Variants in HIF3A observed in about 807,000 individuals in gnomAD.
The protein encoded by HIF3A is hypoxia inducible factor 3 subunit alpha, also known as hypoxia-inducible factor 3-alpha.
A neutral mutation model predicts 67.2 loss-of-function variants in HIF3A; 41 were observed. The ratio of observed to expected loss-of-function variants is 0.61; its 90% CI spans 0.48 to 0.79. HIF3A has a LOEUF of 0.79. Ranked by LOEUF, HIF3A falls within the 30% of genes least tolerant of loss-of-function variation. The probability of loss-of-function intolerance (pLI) is 0.00; values close to 1 mark genes in which losing one functional copy is unlikely to be tolerated. For missense variants in HIF3A, 855 were observed against 898.0 expected (o/e 0.95, Z 0.61); for synonymous variants, 356 against 374.8 (o/e 0.95, Z 0.58).
chr19:46,303,571 G>T, intron 1 of HIF3A: 1 of 1,518,570 alleles, frequency 6.6e-7, no homozygotes, highest in South Asian at 1.2e-5. Flanking sequence ...CTGTCCCCCA[G>T]GCGTCCCTAG....
chr19:46,336,550 T>C (rs1455713959), intron 14 of HIF3A, among the ~76,000 whole-genome samples: 1 of 150,472 alleles, frequency 6.6e-6, no homozygotes, highest in Non-Finnish European at 1.5e-5. Flanking sequence ...TTTGTGTGCG[T>C]GTGTGTGTGT....
intron 1 of HIF3A, among the ~76,000 whole-genome samples, chr19:46,300,739 T>C (rs940531963): frequency 6.6e-6 from 1 of 151,982 alleles, no homozygotes; most frequent in African/African-American, 2.4e-5. Context: ...AGTTGATAAG[T>C]AGTAGAGTCA....
At position 46,297,514 on chromosome 19, in the gene HIF3A, C is replaced by T. The variant is rs897900521; in HGVS notation, c.26+412C>T. On this transcript the variant is annotated intron_variant, in intron 1 of 14. Coordinates refer to ENST00000377670, the MANE Select transcript of HIF3A (RefSeq NM_152795.4). This position sits in a 1 kb window ranked among gnomAD's most constrained non-coding sequence, Gnocchi z 4.5. ...CCCCAAAATTGAGGGTATTCTTTGC[C>T]ACCAGGTGCCTGGGATCCTAGGTGA... Among the ~76,000 whole-genome samples the T allele has an allele frequency of 6.6e-6, 1 of 152,084 alleles. No homozygotes were observed. Among genetic ancestry groups the T allele is most frequent in the African/African-American group, 2.4e-5 (1 of 41,412 alleles).
Position 46,331,177 on chromosome 19 carries a change from G to A in HIF3A, c.1734G>A (p.Glu578=). The A allele has an allele frequency of 6.2e-7, 1 of 1,613,674 alleles. No individual in the cohort carries two copies. Among genetic ancestry groups the A allele is most frequent in the Non-Finnish European group, 8.5e-7 (1 of 1,179,686 alleles). ...ARKRTLAQSS[E]DEDEGVELLG... ...CCAGGACCCTGGCCCAGAGCTCAGAGGACGAGGACGAGGGAGTGGAGCTGC... is the reference window on the plus strand; with the variant it reads ...CCAGGACCCTGGCCCAGAGCTCAGAAGACGAGGACGAGGGAGTGGAGCTGC... The change falls in exon 13 of 15, where the codon GAG becomes GAA. Residue 578 remains glutamate (E), a synonymous_variant. Transcript: ENST00000377670.
chr19:46,298,218 T>TCCCCC, intron 1 of HIF3A: 1 of 245,964 alleles, frequency 4.1e-6, no homozygotes, highest in Non-Finnish European at 8.0e-6. Flanking sequence ...GCCCCCATCC[T>TCCCCC]CTCCCCTGTC....
intron 10 of HIF3A, among the ~76,000 whole-genome samples, chr19:46,324,538 A>T (rs1312048718): frequency 6.6e-6 from 1 of 151,982 alleles, no homozygotes; most frequent in Admixed American, 6.6e-5. Context: ...AAGACCTTTA[A>T]CCCCAGAGGA....
chr19:46,325,953 G>A (rs561943490), intron 11 of HIF3A, among the ~76,000 whole-genome samples: 338 of 152,348 alleles, frequency 2.2e-3, no homozygotes, highest in African/African-American at 7.6e-3. Flanking sequence ...TGATGTATTA[G>A]TTATCTACTG....
intron 12 of HIF3A, among the ~76,000 whole-genome samples, chr19:46,329,709 A>T (rs551612142): frequency 4.6e-4 from 70 of 151,502 alleles, no homozygotes; most frequent in African/African-American, 1.6e-3. Flanking sequence ...TCCAAATCCC[A>T]CCTGTCAACC....
chr19:46,326,667 C>G (rs1970803930), intron 11 of HIF3A, among the ~76,000 whole-genome samples: 1 of 152,138 alleles, frequency 6.6e-6, no homozygotes, highest in Admixed American at 6.5e-5. Flanking sequence ...TACAGTTCCT[C>G]TCAACATTTT....
intron 12 of HIF3A, among the ~76,000 whole-genome samples, chr19:46,330,826 A>G (rs1277561521): frequency 1.4e-5 from 2 of 146,312 alleles, no homozygotes; most frequent in African/African-American, 5.1e-5. Context: ...TGGCAGACAG[A>G]TGGTGGATGG....
rs1440743544 is a variant in HIF3A, at chr19:46,315,286, C to T, written c.1025+2633C>T. Among the ~76,000 whole-genome samples the T allele has an allele frequency of 6.8e-5, 10 of 146,160 alleles. 1 individual carries two copies. On this transcript the variant is annotated intron_variant, in intron 8 of 14. Coordinates refer to ENST00000377670, the MANE Select transcript of HIF3A (RefSeq NM_152795.4). ...TTCACCAGATTGGCCAGGCTGGTCT[C>T]GAACTCCTGACCTCAGGTGATCCTC...
At position 46,325,520 on chromosome 19, in the gene HIF3A, T is replaced by G. The variant is rs952939757; in HGVS notation, c.1336-15T>G. The G allele has an allele frequency of 1.3e-6, 2 of 1,586,644 alleles. No homozygotes were observed. The highest frequency in any genetic ancestry group is 2.7e-5 in the African/African-American group (2 of 74,274). ...GCTCAAGATTTCCTGAAGTTTCTAC[T>G]CCATCTCTCCACAGGCTGATCTCCC... On this transcript the variant is annotated splice_polypyrimidine_tract_variant and intron_variant, in intron 10 of 14. Transcript: ENST00000377670.
chr19:46,334,809 GC>G, intron 13 of HIF3A, 95 bp from the exon 14 acceptor site: 2 of 972,530 alleles, frequency 2.1e-6, no homozygotes, highest in Non-Finnish European at 3.2e-6. Flanking sequence ...TCTGGCCTCA[GC>G]CCCCGAAAGT....
chr19:46,333,568 C>A (rs138117713), intron 13 of HIF3A, among the ~76,000 whole-genome samples: 1,983 of 152,024 alleles, frequency 0.013, 33 homozygotes, highest in South Asian at 0.033. Flanking sequence ...TCTCTGTGTA[C>A]AGGTCCTCGG....
intron 11 of HIF3A, 54 bp downstream of exon 11, chr19:46,325,693 C>A: frequency 8.1e-7 from 1 of 1,231,944 alleles, no homozygotes; most frequent in Non-Finnish European, 1.2e-6. Flanking sequence ...TGGGGATTCA[C>A]ATATGTGGCT....
intron 10 of HIF3A, among the ~76,000 whole-genome samples, chr19:46,322,905 C>T (rs1970484072): frequency 6.6e-6 from 1 of 152,156 alleles, no homozygotes; most frequent in African/African-American, 2.4e-5. Flanking sequence ...CCGTCCCGGG[C>T]ACCACCCTCC....
intron 14 of HIF3A, among the ~76,000 whole-genome samples, chr19:46,337,380 A>C (rs552357963): frequency 1.3e-5 from 2 of 152,088 alleles, no homozygotes; most frequent in East Asian, 3.9e-4. Flanking sequence ...TCTCCCAAGT[A>C]GCTGGGACTA....
chr19:46,337,088 A>C (rs1971680441), intron 14 of HIF3A, among the ~76,000 whole-genome samples: 1 of 152,148 alleles, frequency 6.6e-6, no homozygotes, highest in Non-Finnish European at 1.5e-5. Context: ...GGTTTGGAGT[A>C]GGGGGATTTC....
At position 46,297,576 on chromosome 19, in the gene HIF3A, G is replaced by T. The variant is rs1967961705; in HGVS notation, c.26+474G>T. Among the ~76,000 whole-genome samples, 1 of 151,972 alleles carries T rather than the reference G, an allele frequency of 6.6e-6. No individual in the cohort carries two copies. The highest frequency in any genetic ancestry group is 6.5e-5 in the Admixed American group (1 of 15,270). On this transcript the variant is annotated intron_variant, in intron 1 of 14. Transcript: ENST00000377670. The surrounding 1 kb of genome is among the most constrained non-coding windows in gnomAD (Gnocchi z 4.5). ...CCTAAATGGAGCCTTCCCACATATA[G>T]GGAGTCCCTTGGAATGGCATTCAGC...
Sources: gnomAD v4.1 joint callset for allele counts (sites outside exome capture counted in the v4.1 genomes callset) on GRCh38, gnomAD v4.1.1 for gene constraint, Gnocchi (gnomAD v3.1) non-coding constraint, MANE v1.5 for transcripts, NCBI Gene and HGNC (gene_info 2026-07-23, HGNC 2026-07-21) for gene names.